Variants in ROBO2 observed in about 807,000 individuals in gnomAD.
The protein encoded by ROBO2 is roundabout homolog 2.
ROBO2 carries 53 observed loss-of-function variants against 160.8 expected under a neutral mutation model. That is an observed-to-expected ratio of 0.33 (90% CI 0.26 to 0.41). The LOEUF is 0.41. Among genes scored for constraint, ROBO2 ranks in the 10% least tolerant of loss-of-function variants. The pLI is 1.00. For synonymous variants in ROBO2, 664 were observed against 611.7 expected (o/e 1.09, Z -1.26); for missense variants, 1,577 against 1,722.4 (o/e 0.92, Z 1.49).
At chr3:76,825,887 G>A (rs561324776) in intron 2 of ROBO2, among the ~76,000 whole-genome samples, 1 of 152,010 alleles carries the variant, frequency 6.6e-6, no homozygotes, top group Admixed American at 6.6e-5. Flanking sequence ...TACAAAAAAA[G>A]CATTTCTCTT....
chr3:77,198,771 T>C (rs1291272972), intron 2 of ROBO2, among the ~76,000 whole-genome samples: 1 of 152,018 alleles, frequency 6.6e-6, no homozygotes, highest in Non-Finnish European at 1.5e-5. Flanking sequence ...GACATGGTGC[T>C]GTGTGCCTGC....
intron 1 of ROBO2, among the ~76,000 whole-genome samples, chr3:75,918,695 C>G (rs1946909400): frequency 6.7e-6 from 1 of 150,194 alleles, no homozygotes; most frequent in African/African-American, 2.5e-5. Context: ...ATGTTTGTGT[C>G]CTGTCATTTC....
At chr3:77,332,002 G>A (rs1323572517) in intron 2 of ROBO2, among the ~76,000 whole-genome samples, 2 of 152,044 alleles carry the variant, frequency 1.3e-5, no homozygotes, top group African/African-American at 2.4e-5. Flanking sequence ...CAACGCCCCC[G>A]GCCTGAAATG....
intron 2 of ROBO2, among the ~76,000 whole-genome samples, chr3:76,456,037 G>A (rs575287714): frequency 6.6e-6 from 1 of 152,238 alleles, no homozygotes; most frequent in South Asian, 2.1e-4. Context: ...TGTCTCATTA[G>A]CATGTTTAGA....
chr3:77,370,171 TTGCTAG>T (rs1169320752), intron 2 of ROBO2, among the ~76,000 whole-genome samples: 2 of 152,170 alleles, frequency 1.3e-5, no homozygotes, highest in Non-Finnish European at 1.5e-5. Flanking sequence ...AAATTTAAAA[TTGCTAG>T]TGCATATCCA....
intron 2 of ROBO2, among the ~76,000 whole-genome samples, chr3:76,898,544 C>T (rs1027476129): frequency 1.3e-5 from 2 of 152,032 alleles, no homozygotes; most frequent in Admixed American, 1.3e-4. Context: ...GGGTTACATG[C>T]TAAGATCCTA....
intron 2 of ROBO2, among the ~76,000 whole-genome samples, chr3:76,061,403 A>G (rs1278902356): frequency 2.0e-5 from 3 of 152,120 alleles, no homozygotes; most frequent in Non-Finnish European, 4.4e-5. Flanking sequence ...TTTTTTTGGT[A>G]AGATGTATTT....
chr3:77,117,539 T>G (rs2074328667), intron 2 of ROBO2, among the ~76,000 whole-genome samples: 1 of 152,220 alleles, frequency 6.6e-6, no homozygotes, highest in African/African-American at 2.4e-5. Flanking sequence ...CTGTCCATTT[T>G]ACTATATCTC....
At chr3:76,070,544 C>T (rs1238035265) in intron 2 of ROBO2, among the ~76,000 whole-genome samples, 1 of 152,170 alleles carries the variant, frequency 6.6e-6, no homozygotes, top group African/African-American at 2.4e-5. Flanking sequence ...TCGCCCCTGT[C>T]CTGTGGTCCT....
chr3:76,663,354 A>G (rs2091902471), intron 2 of ROBO2, among the ~76,000 whole-genome samples: 1 of 152,190 alleles, frequency 6.6e-6, no homozygotes. Flanking sequence ...ATGGCTCAGA[A>G]AAGATCTCTG....
intron 2 of ROBO2, among the ~76,000 whole-genome samples, chr3:75,978,330 C>T (rs2065185762): frequency 6.6e-6 from 1 of 151,302 alleles, no homozygotes. Context: ...CTTACAATGC[C>T]AAAATTATTC....
At chr3:77,333,698 A>G (rs1300036927) in intron 2 of ROBO2, among the ~76,000 whole-genome samples, 5 of 152,336 alleles carry the variant, frequency 3.3e-5, no homozygotes, top group Admixed American at 2.0e-4. Context: ...ATCTGCAATC[A>G]AATGTGTTAT....
chr3:77,628,561 C>T (rs1301210470), intron 23 of ROBO2, among the ~76,000 whole-genome samples: 1 of 151,948 alleles, frequency 6.6e-6, no homozygotes, highest in South Asian at 2.1e-4. Context: ...ATGTTCAATA[C>T]ATTTTAGCCA....
intron 2 of ROBO2, among the ~76,000 whole-genome samples, chr3:76,035,747 G>A (rs1404046399): frequency 6.6e-6 from 1 of 151,976 alleles, no homozygotes; most frequent in Non-Finnish European, 1.5e-5. Context: ...ATACACATTT[G>A]GGGGCCTGCA....
intron 2 of ROBO2, among the ~76,000 whole-genome samples, chr3:76,601,448 T>G (rs1431601701): frequency 6.6e-6 from 1 of 152,168 alleles, no homozygotes; most frequent in Non-Finnish European, 1.5e-5. Context: ...CATACAATTT[T>G]TGAAATCTAG....
intron 2 of ROBO2, among the ~76,000 whole-genome samples, chr3:76,393,411 T>C (rs1012132446): frequency 2.7e-4 from 41 of 152,298 alleles, no homozygotes; most frequent in African/African-American, 8.9e-4. Context: ...TTTAAAATTA[T>C]GGAGCATATG....
At chr3:76,151,735 G>A (rs923536317) in intron 2 of ROBO2, among the ~76,000 whole-genome samples, 2 of 151,982 alleles carry the variant, frequency 1.3e-5, no homozygotes, top group Non-Finnish European at 1.5e-5. Flanking sequence ...ACTTGATTAC[G>A]TCTTTTACTG....
intron 2 of ROBO2, among the ~76,000 whole-genome samples, chr3:76,333,204 G>C (rs1262309185): frequency 6.6e-6 from 1 of 152,164 alleles, no homozygotes; most frequent in Non-Finnish European, 1.5e-5. Flanking sequence ...GCTGTGTCTT[G>C]AAGTTCGTAA....
intron 2 of ROBO2, among the ~76,000 whole-genome samples, chr3:77,123,194 G>C (rs1286672753): frequency 6.6e-6 from 1 of 152,128 alleles, no homozygotes; most frequent in East Asian, 1.9e-4. Flanking sequence ...AGTAAAGGAA[G>C]AAATTTAGTG....
Sources: gnomAD v4.1 joint callset for allele counts (sites outside exome capture counted in the v4.1 genomes callset) on GRCh38, gnomAD v4.1.1 for gene constraint, MANE v1.5 for transcripts, NCBI Gene and HGNC (gene_info 2026-07-23, HGNC 2026-07-21) for gene names.